Variants in THSD1 observed in about 807,000 individuals in gnomAD.
The protein encoded by THSD1 is thrombospondin type-1 domain-containing protein 1.
Under a neutral mutation model 46.3 loss-of-function variants are expected in THSD1, and 34 were observed. That is an observed-to-expected ratio of 0.74 (90% CI 0.56 to 0.98). The LOEUF (loss-of-function observed/expected upper bound fraction) is 0.98. Ranked by LOEUF, THSD1 falls within the 50% of genes least tolerant of loss-of-function variation. The pLI, the probability that THSD1 is intolerant of heterozygous loss-of-function variation, is 0.00. For missense variants in THSD1, 1,023 were observed against 1,058.3 expected (o/e 0.97, Z 0.46); for synonymous variants, 407 against 416.5 (o/e 0.98, Z 0.28).
At chr13:52,379,582 C>T (rs1957675494) in intron 4 of THSD1, among the ~76,000 whole-genome samples, 2 of 152,066 alleles carry the variant, frequency 1.3e-5, no homozygotes, top group Admixed American at 1.3e-4. Context: ...TCAAGTGATT[C>T]TCCCGCCTCA....
chr13:52,379,830 T>C (rs1957678409), intron 4 of THSD1, among the ~76,000 whole-genome samples: 2 of 152,164 alleles, frequency 1.3e-5, no homozygotes, highest in Admixed American at 1.3e-4. Context: ...ATGGTACCTA[T>C]TGTTAAATGT....
chr13:52,405,990 G>C (rs568914534), intron 1 of THSD1, 41 bp downstream of exon 1: 1 of 152,380 alleles, frequency 6.6e-6, no homozygotes, highest in Non-Finnish European at 1.5e-5. Context: ...AGAGTCTCGC[G>C]GCACGGGCGC....
intron 2 of THSD1, among the ~76,000 whole-genome samples, chr13:52,401,281 C>T (rs953335606): frequency 2.7e-5 from 4 of 148,458 alleles, no homozygotes; most frequent in East Asian, 2.0e-4. Context: ...CCAGAGTAAT[C>T]GGTTTTTAAG....
At chr13:52,384,226 G>A in intron 4 of THSD1, 1 of 314,046 alleles carries the variant, frequency 3.2e-6, no homozygotes, top group Non-Finnish European at 6.3e-6. Flanking sequence ...GCCAGAATAT[G>A]ACATAATATC....
At position 52,397,632 on chromosome 13, in the gene THSD1, T is replaced by C. The variant is rs1459926324; in HGVS notation, c.621A>G (p.Ala207=). Residue 207 remains alanine, a synonymous_variant, in exon 3 of 5, where the codon GCA becomes GCG. Transcript: ENST00000258613. ...TGACATAGGCTTCTGGCCCCAAGGGTGCACAGCCAAACTCAACCCACTGAC... is the reference window on the plus strand; with the variant it reads ...TGACATAGGCTTCTGGCCCCAAGGGCGCACAGCCAAACTCAACCCACTGAC... ...AQGQWVEFGC[A]PLGPEAYVTV... 6.2e-7 allele frequency: 1 copy of C among 1,614,140 alleles called. No individual in the cohort carries two copies. Among genetic ancestry groups the C allele is most frequent in the Non-Finnish European group, 8.5e-7 (1 of 1,180,016 alleles).
rs549729741 is a variant in THSD1 at position 52,405,458 on chromosome 13, AG to A, written c.-82+572del. On this transcript the variant is annotated intron_variant, in intron 1 of 4. Transcript: ENST00000258613. ...TAGTATTTATTGGGAGGAAATCTCT[AG>A]TTCTAAAGCAGCTCGTGTAAACAGG... Among the ~76,000 whole-genome samples, 17 of 152,296 alleles carry A rather than the reference AG, an allele frequency of 1.1e-4. No individual in the cohort carries two copies. The South Asian group carries it at 3.5e-3, about 32-fold the overall frequency.
At chr13:52,398,423 C>A in intron 2 of THSD1, 1 of 676,760 alleles carries the variant, frequency 1.5e-6, no homozygotes, top group Non-Finnish European at 1.8e-6. Context: ...GCACATGCCA[C>A]CACACCCAGC....
In THSD1 at chr13:52,377,611, C is replaced by A; in HGVS notation, c.2359G>T (p.Val787Phe). 1.9e-6 allele frequency: 3 copies of A among 1,606,518 alleles called. No homozygotes were observed. Among genetic ancestry groups the A allele is most frequent in the Non-Finnish European group, 2.6e-6 (3 of 1,174,546 alleles). The change falls in exon 5 of 5, where the codon GTC (valine) becomes TTC (phenylalanine). Residue 787 changes from valine (V) to phenylalanine (F), a missense_variant. This residue lies in a region of THSD1 where 578 missense variants were observed against 497.4 expected (regional missense o/e 1.16). Transcript: ENST00000258613. ...PISPKDNYQR[V>F]SSLSPSQCRK... ...CACTGAGAAGGGCTCAGAGAACTGA[C>A]CCTCTGGTAGTTATCTTTGGGGGAT...
intron 3 of THSD1, among the ~76,000 whole-genome samples, chr13:52,392,786 T>G (rs1957782950): frequency 6.6e-6 from 1 of 152,146 alleles, no homozygotes; most frequent in South Asian, 2.1e-4. Context: ...ATAAGAAAAT[T>G]CTATAGACAT....
At position 52,378,749 on chromosome 13, in the gene THSD1, A is replaced by C. The variant is rs770827061; in HGVS notation, c.1221T>G (p.Gly407=). 1.7e-5 allele frequency: 27 copies of C among 1,611,280 alleles called. No individual in the cohort carries two copies. In the South Asian group the frequency reaches 3.0e-4, roughly 18 times the overall value. The change falls in exon 5 of 5, where the codon GGT becomes GGG. Residue 407 remains glycine, a synonymous_variant. Transcript: ENST00000258613. ...TCACGATGTTGTTGGACTTCACTGG[A>C]CCCTGGGGCTGAAGAGGAGATGGGC... is the stretch of plus-strand genomic sequence containing the variant. ...PSSPSPLQPQ[G]PVKSNNIVTV...
At chr13:52,389,715 A>C (rs1316291439) in intron 3 of THSD1, among the ~76,000 whole-genome samples, 1 of 152,178 alleles carries the variant, frequency 6.6e-6, no homozygotes, top group Non-Finnish European at 1.5e-5. Context: ...CTAAATGAGG[A>C]TGTACCTAAC....
At chr13:52,396,918 T>A (rs1477616483) in intron 3 of THSD1, among the ~76,000 whole-genome samples, 1 of 152,204 alleles carries the variant, frequency 6.6e-6, no homozygotes, top group African/African-American at 2.4e-5. Flanking sequence ...TAATATAATG[T>A]TTATTCAGCA....
chr13:52,402,454 C>G (rs1309371990), intron 2 of THSD1, 89 bp downstream of exon 2: 1 of 1,333,966 alleles, frequency 7.5e-7, no homozygotes, highest in Non-Finnish European at 1.1e-6. Flanking sequence ...CTGCCTCCTT[C>G]AGGAAGAGTC....
chr13:52,385,607 G>A (rs1957725077), intron 4 of THSD1, among the ~76,000 whole-genome samples: 1 of 152,116 alleles, frequency 6.6e-6, no homozygotes, highest in Non-Finnish European at 1.5e-5. Context: ...AATGGTCTAT[G>A]TGGTCCCCTG....
chr13:52,382,866 G>A (rs1216920479), intron 4 of THSD1, among the ~76,000 whole-genome samples: 1 of 152,092 alleles, frequency 6.6e-6, no homozygotes, highest in African/African-American at 2.4e-5. Flanking sequence ...GCCGGGTGTG[G>A]TGGTGTGCAC....
At chr13:52,396,107 C>T (rs992740077) in intron 3 of THSD1, among the ~76,000 whole-genome samples, 8 of 151,920 alleles carry the variant, frequency 5.3e-5, no homozygotes, top group African/African-American at 1.9e-4. Flanking sequence ...TGGCCAGTGG[C>T]GGAGGAGAAA....
At chr13:52,378,863 CTTTTTTT>C (rs368308011) in intron 4 of THSD1, 74 bp from the exon 5 acceptor site, 24 of 1,068,034 alleles carry the variant, frequency 2.2e-5, no homozygotes, top group Middle Eastern at 3.4e-4. Context: ...TTTTTCTTTT[CTTTTTTT>C]TTTTTTTTTT....
chr13:52,393,489 C>A (rs1288371924), intron 3 of THSD1, among the ~76,000 whole-genome samples: 2 of 152,112 alleles, frequency 1.3e-5, no homozygotes, highest in African/African-American at 4.8e-5. Flanking sequence ...GAAACCCCGT[C>A]TCTACTAAAA....
chr13:52,398,272 T>C, intron 2 of THSD1, 78 bp from the exon 3 acceptor site: 1 of 1,515,264 alleles, frequency 6.6e-7, no homozygotes, highest in Non-Finnish European at 8.8e-7. Context: ...GAAAACAGAA[T>C]TTTTAAATTT....
Sources: gnomAD v4.1 joint callset for allele counts (sites outside exome capture counted in the v4.1 genomes callset) on GRCh38, gnomAD v4.1.1 for gene constraint, gnomAD v4.1.1 regional missense constraint, MANE v1.5 for transcripts, NCBI Gene and HGNC (gene_info 2026-07-23, HGNC 2026-07-21) for gene names.